ZC3HC1: variants seen among roughly 807,000 people sequenced by gnomAD.
ZC3HC1 encodes the protein zinc finger C3HC-type protein 1.
Under a neutral mutation model 61.9 loss-of-function variants are expected in ZC3HC1, and 38 were observed. The observed-to-expected ratio is 0.61, with a 90% confidence interval of 0.47 to 0.81. ZC3HC1 has a LOEUF of 0.81. ZC3HC1 is among the 30% of genes least tolerant of loss of function. The probability of loss-of-function intolerance (pLI) is 0.00; values close to 1 mark genes in which losing one functional copy is unlikely to be tolerated. For synonymous variants in ZC3HC1, 213 were observed against 229.9 expected (o/e 0.93, Z 0.67); for missense variants, 554 against 622.7 (o/e 0.89, Z 1.17).
intron 2 of ZC3HC1, among the ~76,000 whole-genome samples, chr7:130,046,410 C>T (rs1187900420): frequency 1.3e-5 from 2 of 151,686 alleles, no homozygotes; most frequent in African/African-American, 4.8e-5. Flanking sequence ...AGTTTGAGAC[C>T]AGCCTGGGCA....
chr7:130,019,382 C>T (rs2116636055), intron 9 of ZC3HC1, among the ~76,000 whole-genome samples: 1 of 152,178 alleles, frequency 6.6e-6, no homozygotes, highest in East Asian at 1.9e-4. Flanking sequence ...GCTGAATTGG[C>T]CCTAGTTCAT....
chr7:130,043,006 G>A (rs1263533648), intron 2 of ZC3HC1, among the ~76,000 whole-genome samples: 3 of 152,134 alleles, frequency 2.0e-5, no homozygotes, highest in Non-Finnish European at 4.4e-5. Context: ...TAATCTATGT[G>A]GGCCGGGTGC....
chr7:130,023,542 T>C lies in ZC3HC1; in HGVS notation c.1202A>G (p.Lys401Arg). The change falls in exon 8 of 10, where the codon AAG becomes AGG. Residue 401 changes from lysine (K) to arginine (R), a missense_variant. Lys to Arg is a conservative substitution (Grantham distance 26). Coordinates refer to ENST00000358303, the MANE Select transcript of ZC3HC1 (RefSeq NM_016478.5). The surrounding 1 kb of genome is among the most constrained non-coding windows in gnomAD (Gnocchi z 4.2). The part of the protein sequence containing the change: ...EVPSSPLRKA[K>R]RARLCSSSSS... ...GCTGGAGGAGCAGAGGCGAGCTCGC[T>C]TGGCTTTCCGCAGAGGGCTAGATGG... The C allele has an allele frequency of 1.9e-6, 3 of 1,614,206 alleles. No individual in the cohort carries two copies. Among genetic ancestry groups the C allele is most frequent in the South Asian group, 1.1e-5 (1 of 91,086 alleles).
intron 4 of ZC3HC1, among the ~76,000 whole-genome samples, chr7:130,036,239 T>A (rs1396818538): frequency 6.6e-6 from 1 of 152,014 alleles, no homozygotes; most frequent in Admixed American, 6.6e-5. Flanking sequence ...AAGGTAAGGC[T>A]GGGAGTGGTG....
At chr7:130,026,022 C>A in intron 6 of ZC3HC1, 136 bp downstream of exon 6, 1 of 995,920 alleles carries the variant, frequency 1.0e-6, no homozygotes, top group Non-Finnish European at 1.4e-6. Context: ...CTCGCACCAT[C>A]CCCCACCCAG....
intron 4 of ZC3HC1, among the ~76,000 whole-genome samples, chr7:130,030,637 A>G (rs928754395): frequency 6.6e-6 from 1 of 151,928 alleles, no homozygotes; most frequent in African/African-American, 2.4e-5. Flanking sequence ...CTCAGCCTCA[A>G]ATTGACATTT....
At chr7:130,035,748 C>A (rs892579690) in intron 4 of ZC3HC1, among the ~76,000 whole-genome samples, 5 of 152,144 alleles carry the variant, frequency 3.3e-5, no homozygotes, top group African/African-American at 1.2e-4. Context: ...TTCCAGACTG[C>A]TGGAATCACA....
chr7:130,025,870 CAAAAAAAAAAAA>C (rs71175064), intron 6 of ZC3HC1, among the ~76,000 whole-genome samples: 7 of 58,596 alleles, frequency 1.2e-4, no homozygotes, highest in African/African-American at 1.5e-4. Context: ...GACTCCGTCT[CAAAAAAAAAAAA>C]AAAAAAAAAA....
intron 2 of ZC3HC1, among the ~76,000 whole-genome samples, chr7:130,041,395 C>G (rs1420777531): frequency 6.6e-6 from 1 of 151,868 alleles, no homozygotes; most frequent in East Asian, 1.9e-4. Flanking sequence ...CACCATGTTG[C>G]TCAGGCTGGT....
At chr7:130,025,886 A>AG (rs1394733342) in intron 6 of ZC3HC1, among the ~76,000 whole-genome samples, 4 of 150,928 alleles carry the variant, frequency 2.7e-5, no homozygotes, top group African/African-American at 9.7e-5. Flanking sequence ...AAAAAAAAAA[A>AG]AAAAAAAAGA....
intron 5 of ZC3HC1, among the ~76,000 whole-genome samples, chr7:130,028,141 G>A (rs995548680): frequency 1.9e-5 from 2 of 106,424 alleles, no homozygotes; most frequent in East Asian, 3.2e-4. Flanking sequence ...CTACAGCCTG[G>A]CGACAGAACA....
intron 4 of ZC3HC1, among the ~76,000 whole-genome samples, chr7:130,031,706 G>A (rs1216418718): frequency 6.6e-6 from 1 of 152,132 alleles, no homozygotes; most frequent in Non-Finnish European, 1.5e-5. Context: ...CAGGTATAGA[G>A]CTATACACAT....
Position 130,022,508 on chromosome 7 carries a change from G to A in ZC3HC1, c.1251C>T (p.Ser417=), listed in dbSNP as rs562119592. The A allele has an allele frequency of 6.2e-7, 1 of 1,614,022 alleles. No homozygotes were observed. The highest frequency in any genetic ancestry group is 1.7e-5 in the Admixed American group (1 of 59,974). ...TATGCTGAGAGGTGGGATCAAAGAA[G>A]CTTCGGGAAGATGTGTCCTGAGGAA... ...SSSSSDTSSR[S]FFDPTSQHRD... Residue 417 remains serine, a synonymous_variant, in exon 9 of 10, where the codon AGC becomes AGT. Transcript: ENST00000358303.
In ZC3HC1 at chr7:130,051,321, T is replaced by C; in HGVS notation, c.46A>G (p.Lys16Glu). Residue 16 changes from lysine (K) to glutamate (E), a missense_variant, in exon 1 of 10, where the codon AAG (lysine) becomes GAG (glutamate). Transcript: ENST00000358303. ...EGQAFAVGVE[K>E]NWGAVVRSPE... ...GAGCGAACTACTGCACCCCAATTCT[T>C]TTCAACCCCTACGGCAAACGCTTGT... 6.2e-7 allele frequency: 1 copy of C among 1,613,390 alleles called. No homozygotes were observed. The highest frequency in any genetic ancestry group is 1.1e-5 in the South Asian group (1 of 90,942).
intron 5 of ZC3HC1, among the ~76,000 whole-genome samples, chr7:130,028,404 T>G (rs899259872): frequency 1.5e-4 from 23 of 151,764 alleles, no homozygotes; most frequent in Non-Finnish European, 2.8e-4. Context: ...TAGCCAGGTG[T>G]GGTGGCAGAC....
intron 6 of ZC3HC1, among the ~76,000 whole-genome samples, chr7:130,024,955 G>C (rs888542557): frequency 7.0e-5 from 10 of 141,968 alleles, no homozygotes; most frequent in African/African-American, 2.7e-4. Context: ...GCCCGGGCTG[G>C]AGTGCAATGG....
intron 5 of ZC3HC1, among the ~76,000 whole-genome samples, chr7:130,027,676 T>C (rs142560050): frequency 0.016 from 2,380 of 152,034 alleles, 33 homozygotes; most frequent in Middle Eastern, 0.024. Flanking sequence ...AACTACCATG[T>C]CCGGCTAATT....
intron 4 of ZC3HC1, among the ~76,000 whole-genome samples, chr7:130,030,113 T>G (rs988562572): frequency 6.6e-6 from 1 of 151,808 alleles, no homozygotes; most frequent in South Asian, 2.1e-4. Flanking sequence ...AAATGATGAG[T>G]GCAGAAAGGC....
intron 2 of ZC3HC1, among the ~76,000 whole-genome samples, chr7:130,047,638 T>TACACACACACACAC (rs34052360): frequency 7.2e-6 from 1 of 138,138 alleles, no homozygotes; most frequent in African/African-American, 2.7e-5. Flanking sequence ...AGACTTTGTC[T>TACACACACACACAC]ACACACACAC....
Sources: allele counts gnomAD v4.1 joint callset (sites outside exome capture counted in the v4.1 genomes callset), GRCh38; gene constraint gnomAD v4.1.1; non-coding constraint Gnocchi (gnomAD v3.1); transcripts MANE v1.5; gene names NCBI Gene and HGNC (gene_info 2026-07-23, HGNC 2026-07-21).